The following ZNF98 variants were observed in gnomAD, a reference collection of about 807,000 sequenced individuals.
ZNF98 encodes zinc finger protein 98, also known as zinc finger protein 739.
A neutral mutation model predicts 12.8 loss-of-function variants in ZNF98; 8 were observed. The observed-to-expected ratio is 0.63, with a 90% confidence interval of 0.37 to 1.13. The LOEUF is 1.13. Ranked by LOEUF, ZNF98 falls within the 50% of genes most tolerant of loss-of-function variation. The pLI is 0.01. For missense variants in ZNF98, 379 were observed against 666.1 expected (o/e 0.57, Z 4.74); for synonymous variants, 112 against 223.5 (o/e 0.50, Z 4.45).
chr19:22,416,869 TA>T (rs555662691), intron 1 of ZNF98, among the ~76,000 whole-genome samples: 2 of 152,160 alleles, frequency 1.3e-5, no homozygotes, highest in Non-Finnish European at 1.5e-5. Context: ...CAACGTGGAT[TA>T]AGCTGGAGAC....
At chr19:22,415,956 G>GACACACACACACACACACACACAC (rs71180550) in intron 1 of ZNF98, among the ~76,000 whole-genome samples, 1 of 111,332 alleles carries the variant, frequency 9.0e-6, no homozygotes, top group Non-Finnish European at 1.7e-5. Context: ...AAAAACTACA[G>GACACACACACACACACACACACAC]ACACACACAC....
chr19:22,422,277 C>A lies in ZNF98; in HGVS notation c.-53G>T. 6.2e-7 allele frequency: 1 copy of A among 1,605,998 alleles called. No homozygotes were observed. Among genetic ancestry groups the A allele is most frequent in the Non-Finnish European group, 8.5e-7 (1 of 1,174,418 alleles). ...GGTCACAGGGCCACAGAGGCTGGGC[C>A]TCTACGAGCAGAGGACACAGAAGGG... On this transcript the variant is annotated 5_prime_UTR_variant, in exon 1 of 4. The change creates a new upstream start codon in the 5' untranslated region. Coordinates refer to ENST00000357774, the MANE Select transcript of ZNF98 (RefSeq NM_001098626.2).
At chr19:22,414,912 G>A (rs1471262860) in intron 1 of ZNF98, among the ~76,000 whole-genome samples, 5 of 152,022 alleles carry the variant, frequency 3.3e-5, no homozygotes, top group Non-Finnish European at 7.4e-5. Flanking sequence ...CTTCTTCACA[G>A]CAAAGGAAAC....
chr19:22,400,994 C>G (rs1157505402), intron 3 of ZNF98, among the ~76,000 whole-genome samples: 1 of 149,994 alleles, frequency 6.7e-6, no homozygotes, highest in African/African-American at 2.5e-5. Context: ...ACAAGAAAAA[C>G]TTGAAGAGGT....
chr19:22,413,381 A>T (rs1969602220), intron 1 of ZNF98, among the ~76,000 whole-genome samples: 1 of 152,242 alleles, frequency 6.6e-6, no homozygotes, highest in Non-Finnish European at 1.5e-5. Context: ...TGACAACTTC[A>T]GTAAAATTTC....
intron 1 of ZNF98, among the ~76,000 whole-genome samples, chr19:22,421,490 T>G (rs1045075651): frequency 1.3e-5 from 2 of 152,076 alleles, no homozygotes; most frequent in African/African-American, 4.8e-5. Flanking sequence ...CTAACTCAAA[T>G]GCATTTTTTT....
intron 1 of ZNF98, among the ~76,000 whole-genome samples, chr19:22,418,077 C>G (rs1969664651): frequency 6.6e-6 from 1 of 152,154 alleles, no homozygotes; most frequent in Admixed American, 6.5e-5. Context: ...TCAAGACATT[C>G]TCCAACACCA....
At chr19:22,402,702 A>T in intron 3 of ZNF98, 87 bp downstream of exon 3, 1 of 1,211,686 alleles carries the variant, frequency 8.3e-7, no homozygotes. Flanking sequence ...CAGATTTCAA[A>T]TCATTTTAAG....
At chr19:22,399,002 T>C (rs556996491) in intron 3 of ZNF98, among the ~76,000 whole-genome samples, 1 of 152,320 alleles carries the variant, frequency 6.6e-6, no homozygotes, top group East Asian at 1.9e-4. Flanking sequence ...GGCTGATTTA[T>C]CTCTTAAACC....
intron 1 of ZNF98, among the ~76,000 whole-genome samples, chr19:22,404,658 T>A (rs1157670117): frequency 6.6e-6 from 1 of 152,224 alleles, no homozygotes; most frequent in African/African-American, 2.4e-5. Context: ...CAGCCAAAAG[T>A]AAATCATAGC....
intron 1 of ZNF98, among the ~76,000 whole-genome samples, chr19:22,410,745 T>C (rs113042013): frequency 6.6e-6 from 1 of 152,180 alleles, no homozygotes; most frequent in Non-Finnish European, 1.5e-5. Flanking sequence ...CTTGGTAATG[T>C]TGGTCTCACT....
chr19:22,420,831 C>T (rs1012177288), intron 1 of ZNF98, among the ~76,000 whole-genome samples: 1 of 152,124 alleles, frequency 6.6e-6, no homozygotes, highest in African/African-American at 2.4e-5. Flanking sequence ...TATCATAAGA[C>T]CTTTGTGCCT....
At position 22,403,442 on chromosome 19, in the gene ZNF98, T is replaced by G. The variant is rs3906659; in HGVS notation, c.101A>C (p.Gln34Pro). ...CATCACATTCCTATATAAATTCTGC[T>G]GTGCGGTGTCCAGGCATTGCCACTC... ...LEEWQCLDTA[Q>P]QNLYRNVMLE... The change falls in exon 2 of 4, where the codon CAG becomes CCG. Residue 34 changes from glutamine to proline, a missense_variant. Physicochemically the swap from Gln to Pro is moderately conservative, Grantham distance 76 (BLOSUM62 -1). Around this residue, in one of 8 missense-constraint regions of ZNF98, gnomAD observed 223 missense variants for 261.6 expected, o/e 0.85. Coordinates refer to ENST00000357774, the MANE Select transcript of ZNF98 (RefSeq NM_001098626.2). 7.1e-4 allele frequency: 1,141 copies of G among 1,609,638 alleles called. 9 individuals carry two copies. The African/African-American group carries it at 0.013, about 19-fold the overall frequency.
At chr19:22,413,079 T>TA (rs147517601) in intron 1 of ZNF98, among the ~76,000 whole-genome samples, 3 of 150,108 alleles carry the variant, frequency 2.0e-5, no homozygotes, top group African/African-American at 4.9e-5. Context: ...AAAATAAAAA[T>TA]AAAAAAAAAT....
chr19:22,402,812 T>C lies in ZNF98; in HGVS notation c.230A>G (p.His77Arg), dbSNP rs1969474069. 3 of 1,600,334 alleles carry C rather than the reference T, an allele frequency of 1.9e-6. No individual in the cohort carries two copies. The highest frequency in any genetic ancestry group is 8.5e-7 in the Non-Finnish European group (1 of 1,175,818). ...ACCTGGGGGTTCAGTTACCATCTCATGTCTCTTCACATTCCAAGGTTCTTT... is the reference window on the plus strand; with the variant it reads ...ACCTGGGGGTTCAGTTACCATCTCACGTCTCTTCACATTCCAAGGTTCTTT... The part of the protein sequence containing the change: ...QGKEPWNVKR[H>R]EMVTEPPVVY... Residue 77 changes from histidine to arginine, a missense_variant, in exon 3 of 4, where the codon CAT becomes CGT. By Grantham distance (29) the His-to-Arg change is conservative. Transcript: ENST00000357774.
intron 1 of ZNF98, among the ~76,000 whole-genome samples, chr19:22,417,423 C>A (rs1969658021): frequency 6.6e-6 from 1 of 151,928 alleles, no homozygotes; most frequent in Non-Finnish European, 1.5e-5. Context: ...CCCCATGACA[C>A]AATTTTAGCT....
intron 1 of ZNF98, among the ~76,000 whole-genome samples, chr19:22,416,196 C>T (rs1256465272): frequency 3.3e-5 from 5 of 151,630 alleles, no homozygotes; most frequent in East Asian, 3.9e-4. Context: ...ATGGGCCAGG[C>T]GTGGTGGCTC....
intron 1 of ZNF98, among the ~76,000 whole-genome samples, chr19:22,419,704 T>A (rs964732570): frequency 3.3e-5 from 5 of 152,154 alleles, no homozygotes. Flanking sequence ...ATTATTTCCA[T>A]TAAAAATCAT....
At position 22,392,687 on chromosome 19, in the gene ZNF98, T is replaced by G. The variant is rs767999532; in HGVS notation, c.548A>C (p.Lys183Thr). 3.8e-6 allele frequency: 6 copies of G among 1,597,280 alleles called. No individual in the cohort carries two copies. Among genetic ancestry groups the G allele is most frequent in the Non-Finnish European group, 4.3e-6 (5 of 1,170,918 alleles). The change falls in exon 4 of 4, where the codon AAG becomes ACG. Residue 183 changes from lysine (K) to threonine (T), a missense_variant. Physicochemically the swap from Lys to Thr is moderately conservative, Grantham distance 78. Transcript: ENST00000357774. ...KIGHTGKKSF[K>T]CKECEKSFCM... ...AAATGACTTTTCACATTCTTTACAC[T>G]TGAAAGATTTCTTTCCAGTATGTCC...
Sources: allele counts gnomAD v4.1 joint callset (sites outside exome capture counted in the v4.1 genomes callset), GRCh38; gene constraint gnomAD v4.1.1; regional missense constraint gnomAD v4.1.1; transcripts MANE v1.5; gene names NCBI Gene and HGNC (gene_info 2026-07-23, HGNC 2026-07-21).